Variants in CCDC60 observed in about 807,000 individuals in gnomAD.
CCDC60 encodes the protein coiled-coil domain-containing protein 60.
Under a neutral mutation model 63.5 loss-of-function variants are expected in CCDC60, and 54 were observed. The observed-to-expected ratio is 0.85, with a 90% confidence interval of 0.68 to 1.07. The LOEUF (loss-of-function observed/expected upper bound fraction) is 1.07, where lower values mean the gene tolerates loss of function less well. Among genes scored for constraint, CCDC60 ranks in the 50% least tolerant of loss-of-function variants. The pLI is 0.00. For synonymous variants in CCDC60, 206 were observed against 238.8 expected (o/e 0.86, Z 1.27); for missense variants, 651 against 684.3 (o/e 0.95, Z 0.54).
chr12:119,433,280 C>G, intron 2 of CCDC60: 1 of 635,434 alleles, frequency 1.6e-6, no homozygotes, highest in Non-Finnish European at 2.8e-6. Context: ...GTGATACAGG[C>G]AACAGTTGTT....
At chr12:119,404,266 G>A (rs1303908860) in intron 1 of CCDC60, among the ~76,000 whole-genome samples, 1 of 152,180 alleles carries the variant, frequency 6.6e-6, no homozygotes, top group Admixed American at 6.5e-5. Flanking sequence ...CTCCAGCCTG[G>A]TTGACAGAGT....
At chr12:119,359,140 G>C (rs1955746618) in intron 1 of CCDC60, among the ~76,000 whole-genome samples, 1 of 152,138 alleles carries the variant, frequency 6.6e-6, no homozygotes, top group Non-Finnish European at 1.5e-5. Flanking sequence ...TATTCTGGTG[G>C]GTGCTTAGTA....
chr12:119,387,907 AC>A (rs941482470), intron 1 of CCDC60: 2 of 152,196 alleles, frequency 1.3e-5, no homozygotes, highest in African/African-American at 4.8e-5. Flanking sequence ...CTATTTGGAC[AC>A]ATAAGGCCCC....
At chr12:119,438,501 C>T (rs933673814) in intron 2 of CCDC60, among the ~76,000 whole-genome samples, 1 of 152,208 alleles carries the variant, frequency 6.6e-6, no homozygotes, top group Non-Finnish European at 1.5e-5. Flanking sequence ...CAAATCCTAA[C>T]TCTTCCAGTT....
chr12:119,507,527 C>T (rs866844329), intron 7 of CCDC60, among the ~76,000 whole-genome samples: 4 of 120,736 alleles, frequency 3.3e-5, no homozygotes, highest in African/African-American at 1.3e-4. Context: ...CATATATATA[C>T]ACATATATAT....
intron 1 of CCDC60, among the ~76,000 whole-genome samples, chr12:119,406,200 TATATAGAGAGAG>T (rs1956487815): frequency 7.3e-6 from 1 of 136,468 alleles, no homozygotes; most frequent in African/African-American, 2.6e-5. Context: ...TAGATATATA[TATATAGAGAGAG>T]AGAGAGAGAG....
intron 4 of CCDC60, among the ~76,000 whole-genome samples, chr12:119,486,851 CAG>C (rs995991286): frequency 2.0e-5 from 3 of 152,282 alleles, no homozygotes; most frequent in East Asian, 3.9e-4. Context: ...TTCCTGGAAA[CAG>C]AGAGTAGAGA....
At chr12:119,461,212 T>C (rs708873) in intron 2 of CCDC60, among the ~76,000 whole-genome samples, 135,485 of 152,170 alleles carry the variant, frequency 0.89, 60,710 homozygotes, top group East Asian at 1. Context: ...ATGTACTAGG[T>C]ACTACAGTAA....
At chr12:119,466,097 A>G (rs1001656413) in intron 2 of CCDC60, among the ~76,000 whole-genome samples, 1 of 152,200 alleles carries the variant, frequency 6.6e-6, no homozygotes, top group Admixed American at 6.5e-5. Flanking sequence ...AAGTATCTGC[A>G]TGGTTTACTC....
At chr12:119,348,054 A>C (rs974736885) in intron 1 of CCDC60, among the ~76,000 whole-genome samples, 1 of 152,228 alleles carries the variant, frequency 6.6e-6, no homozygotes, top group Non-Finnish European at 1.5e-5. Flanking sequence ...CCTTGAAGAA[A>C]ATGCCCAAAA....
intron 1 of CCDC60, among the ~76,000 whole-genome samples, chr12:119,385,528 G>A (rs954789284): frequency 5.3e-5 from 8 of 152,206 alleles, no homozygotes; most frequent in Admixed American, 1.3e-4. Context: ...CTGCTGCCAC[G>A]TAAGACGTGC....
At chr12:119,391,960 G>A (rs769604222) in intron 1 of CCDC60, among the ~76,000 whole-genome samples, 1 of 152,122 alleles carries the variant, frequency 6.6e-6, no homozygotes, top group Non-Finnish European at 1.5e-5. Flanking sequence ...GCAATTGGGT[G>A]TGCAATATTG....
chr12:119,351,512 T>C (rs1167953170), intron 1 of CCDC60, among the ~76,000 whole-genome samples: 2 of 152,176 alleles, frequency 1.3e-5, no homozygotes, highest in Admixed American at 1.3e-4. Context: ...CTTTTACTCA[T>C]AGTGGAAGGC....
chr12:119,407,738 T>C (rs1425745704), intron 1 of CCDC60, among the ~76,000 whole-genome samples: 2 of 152,146 alleles, frequency 1.3e-5, no homozygotes, highest in Admixed American at 6.6e-5. Flanking sequence ...CATGCCTTGG[T>C]AGTGGCTTTT....
intron 10 of CCDC60, 152 bp downstream of exon 10, chr12:119,523,153 G>A (rs1347812313): frequency 1.2e-5 from 9 of 740,740 alleles, no homozygotes. Context: ...CCAGGTTTAG[G>A]GACTCATAGT....
At chr12:119,458,415 T>C (rs1189086450) in intron 2 of CCDC60, among the ~76,000 whole-genome samples, 2 of 152,352 alleles carry the variant, frequency 1.3e-5, no homozygotes, top group South Asian at 2.1e-4. Context: ...CATAATACCA[T>C]TAAAAGTTTA....
chr12:119,539,924 T>C (rs1467602161), intron 13 of CCDC60, among the ~76,000 whole-genome samples: 1 of 152,198 alleles, frequency 6.6e-6, no homozygotes, highest in Non-Finnish European at 1.5e-5. Flanking sequence ...CAGCTTCCCT[T>C]GGCTAGGGGA....
chr12:119,444,717 G>T (rs768352106), intron 2 of CCDC60, among the ~76,000 whole-genome samples: 7 of 152,068 alleles, frequency 4.6e-5, no homozygotes, highest in Non-Finnish European at 8.8e-5. Flanking sequence ...CTGACATCTC[G>T]CTGATCCACA....
chr12:119,433,216 G>T (rs987340698), intron 2 of CCDC60, among the ~76,000 whole-genome samples: 5 of 152,074 alleles, frequency 3.3e-5, no homozygotes, highest in South Asian at 4.1e-4. Flanking sequence ...GAACGACAAA[G>T]GTTCCACTTC....
Sources: gnomAD v4.1 joint callset for allele counts (sites outside exome capture counted in the v4.1 genomes callset) on GRCh38, gnomAD v4.1.1 for gene constraint, MANE v1.5 for transcripts, NCBI Gene and HGNC (gene_info 2026-07-23, HGNC 2026-07-21) for gene names.